Variants in PCDHA11 observed in about 807,000 individuals in gnomAD.
PCDHA11 encodes the protein protocadherin alpha 11.
A neutral mutation model predicts 70.3 loss-of-function variants in PCDHA11; 61 were observed. That is an observed-to-expected ratio of 0.87 (90% confidence interval 0.71 to 1.07). PCDHA11 has a LOEUF of 1.07. Among genes scored for constraint, PCDHA11 ranks in the 50% least tolerant of loss-of-function variants. The pLI is 0.00. For synonymous variants in PCDHA11, 633 were observed against 555.1 expected, an observed-to-expected ratio of 1.14 and a Z score of -1.97; for missense variants, 1,324 against 1,237.5, an observed-to-expected ratio of 1.07 and a Z score of -1.05.
intron 1 of PCDHA11, among the ~76,000 whole-genome samples, chr5:140,961,302 A>G (rs1383841228): frequency 6.6e-6 from 1 of 152,222 alleles, no homozygotes; most frequent in African/African-American, 2.4e-5. Context: ...GTTAAAGAAC[A>G]TGATTTACCA....
intron 1 of PCDHA11, among the ~76,000 whole-genome samples, chr5:140,973,873 G>A (rs546928847): frequency 3.3e-5 from 5 of 152,292 alleles, no homozygotes; most frequent in African/African-American, 1.2e-4. Flanking sequence ...TGAGAGGTCA[G>A]AATAATGTCA....
chr5:140,979,797 C>T (rs1253949980), intron 2 of PCDHA11, among the ~76,000 whole-genome samples: 1 of 152,154 alleles, frequency 6.6e-6, no homozygotes, highest in African/African-American at 2.4e-5. Flanking sequence ...AACAAATGAT[C>T]ACAACTATCA....
At chr5:140,884,549 G>C (rs782470468) in intron 1 of PCDHA11, 2 of 1,614,016 alleles carry the variant, frequency 1.2e-6, no homozygotes, top group Non-Finnish European at 1.7e-6. Flanking sequence ...GGTGTGCTCT[G>C]GGGAGGGCCC....
At chr5:140,924,675 A>G (rs2081950007) in intron 1 of PCDHA11, among the ~76,000 whole-genome samples, 1 of 152,152 alleles carries the variant, frequency 6.6e-6, no homozygotes, top group Non-Finnish European at 1.5e-5. Flanking sequence ...CAGGCCAATC[A>G]CTTGAGGTCA....
chr5:140,959,696 G>A (rs1344206142), intron 1 of PCDHA11, among the ~76,000 whole-genome samples: 1 of 152,098 alleles, frequency 6.6e-6, no homozygotes, highest in Non-Finnish European at 1.5e-5. Flanking sequence ...AATAAAATGA[G>A]CTTTGAAAGG....
chr5:141,004,883 A>T (rs1273215928), intron 3 of PCDHA11, among the ~76,000 whole-genome samples: 4 of 152,132 alleles, frequency 2.6e-5, no homozygotes, highest in Admixed American at 2.0e-4. Flanking sequence ...CTAAAGTGCT[A>T]TTGTGTCAGC....
rs1478499072 is a variant in PCDHA11 at position 140,882,356 on chromosome 5, C to T, written c.2391+10862C>T. 4 of 1,614,070 alleles carry T rather than the reference C, an allele frequency of 2.5e-6. No individual in the cohort carries two copies. The Admixed American group carries it at 5.0e-5, about 20-fold the overall frequency. On this transcript the variant is annotated intron_variant, in intron 1 of 3. Coordinates refer to ENST00000398640, the MANE Select transcript of PCDHA11 (RefSeq NM_018902.5). ...CGCAGCCTGGGAGACGGGTAGTGGC[C>T]AGCTCCACTACTCCGTCCCCGAGGA... is the stretch of plus-strand genomic sequence containing the variant.
chr5:140,928,256 C>G (rs1192362928), intron 1 of PCDHA11: 19 of 1,614,116 alleles, frequency 1.2e-5, no homozygotes, highest in Non-Finnish European at 1.5e-5. Flanking sequence ...CTTTTCGTTG[C>G]TGAAAACAAT....
Position 140,927,198 on chromosome 5 carries a change from G to T in PCDHA11, c.2392-51751G>T. On this transcript the variant is annotated intron_variant, in intron 1 of 3. Transcript: ENST00000398640. ...TCTTGACCTACGACCTGGTGCTCGA[G>T]GACCCGCTGGAGCTGCACAAGATTC... 3 of 1,614,162 alleles carry T rather than the reference G, an allele frequency of 1.9e-6. No homozygotes were observed. In the South Asian group the frequency reaches 3.3e-5, roughly 18 times the overall value.
intron 3 of PCDHA11, among the ~76,000 whole-genome samples, chr5:141,003,251 C>T (rs1240561091): frequency 6.6e-6 from 1 of 152,176 alleles, no homozygotes; most frequent in Admixed American, 6.5e-5. Flanking sequence ...AAAAAGATTC[C>T]TGGGCAGTGC....
At position 140,875,871 on chromosome 5, in the gene PCDHA11, C is replaced by G. The variant is rs2055892299; in HGVS notation, c.2391+4377C>G. On this transcript the variant is annotated intron_variant, in intron 1 of 3. Transcript: ENST00000398640. ...ACATTAACGACAACCCGCCGGTGTT[C>G]AGAGAAAGGGAACAAAAGGTACCTG... 3 of 1,614,188 alleles carry G rather than the reference C, an allele frequency of 1.9e-6. No individual in the cohort carries two copies. The highest frequency in any genetic ancestry group is 2.5e-6 in the Non-Finnish European group (3 of 1,180,036).
chr5:140,992,798 CAT>C (rs1554253202), intron 3 of PCDHA11, among the ~76,000 whole-genome samples: 1 of 152,076 alleles, frequency 6.6e-6, no homozygotes, highest in African/African-American at 2.4e-5. Context: ...TTTATGGATC[CAT>C]ATGTATCTAA....
intron 2 of PCDHA11, 164 bp downstream of exon 2, chr5:140,979,171 C>T (rs1586797637): frequency 4.2e-6 from 4 of 960,866 alleles, no homozygotes; most frequent in South Asian, 4.8e-5. Context: ...CTTGAAAGAT[C>T]GCAAATGGTC....
In PCDHA11 at chr5:140,946,631, T is replaced by TATAC. The variant is rs57893927; in HGVS notation, c.2392-32317_2392-32316insTACA. ...TGTGAAATATATATATATATATATA[T>TATAC]ACAATGGAATACTCATCAGCCATTA... On this transcript the variant is annotated intron_variant, in intron 1 of 3. Transcript: ENST00000398640. 2.4e-4 allele frequency among the ~76,000 whole-genome samples: 32 copies of TATAC among 131,838 alleles called. 1 individual carries two copies. The highest frequency in any genetic ancestry group is 4.2e-4 in the African/African-American group (12 of 28,706). 86.5% of individuals were successfully genotyped at this position (131,838 alleles called of 152,430 possible).
rs186232239 is a variant in PCDHA11, at chr5:140,924,849, C to T, written c.2391+53355C>T. On this transcript the variant is annotated intron_variant, in intron 1 of 3. Coordinates refer to ENST00000398640, the MANE Select transcript of PCDHA11 (RefSeq NM_018902.5). ...GGGGGAGGTTGCAGGGAGCTCAGAT[C>T]GTGCCACTGCACTCCAGCCTGGGTG... 8.0e-3 allele frequency among the ~76,000 whole-genome samples: 1,208 copies of T among 150,322 alleles called. 6 individuals are homozygous for T. Among genetic ancestry groups the T allele is most frequent in the African/African-American group, 0.019 (780 of 40,670 alleles).
chr5:140,975,591 G>A (rs1421434713), intron 1 of PCDHA11, among the ~76,000 whole-genome samples: 1 of 152,198 alleles, frequency 6.6e-6, no homozygotes, highest in African/African-American at 2.4e-5. Flanking sequence ...GTCCCAGAGG[G>A]CAATTTGTTG....
At chr5:140,929,113 A>G (rs1554206696) in intron 1 of PCDHA11, 5 of 1,614,154 alleles carry the variant, frequency 3.1e-6, no homozygotes, top group East Asian at 2.2e-5. Flanking sequence ...GACATCAGCC[A>G]CCATAGATGT....
At chr5:140,973,324 C>T (rs1261856526) in intron 1 of PCDHA11, among the ~76,000 whole-genome samples, 4 of 152,174 alleles carry the variant, frequency 2.6e-5, no homozygotes, top group Admixed American at 1.3e-4. Context: ...ACAGAGTTTA[C>T]ACTCGTTGTA....
intron 1 of PCDHA11, among the ~76,000 whole-genome samples, chr5:140,938,842 G>T (rs2092225940): frequency 1.3e-5 from 2 of 151,980 alleles, no homozygotes; most frequent in African/African-American, 4.8e-5. Context: ...TAACAAACCT[G>T]CCCATGTACC....
Sources: gnomAD v4.1 joint callset for allele counts (sites outside exome capture counted in the v4.1 genomes callset) on GRCh38, gnomAD v4.1.1 for gene constraint, MANE v1.5 for transcripts, NCBI Gene and HGNC (gene_info 2026-07-23, HGNC 2026-07-21) for gene names.